FGFR1OP2: variants seen among roughly 807,000 people sequenced by gnomAD.
FGFR1OP2 encodes FGFR1 oncogene partner 2, also known as fibroblast growth factor receptor 1 oncogene partner 2.
In FGFR1OP2, 17 loss-of-function variants were observed where a neutral mutation model predicts 35.2. That is an observed-to-expected ratio of 0.48 (90% confidence interval 0.33 to 0.73). The LOEUF is 0.73. Ranked by LOEUF, FGFR1OP2 falls within the 30% of genes least tolerant of loss-of-function variation. The probability of loss-of-function intolerance (pLI) is 0.02; values close to 1 mark genes in which losing one functional copy is unlikely to be tolerated. For missense variants in FGFR1OP2, 251 were observed against 307.3 expected (o/e 0.82, Z 1.37); for synonymous variants, 105 against 104.6 (o/e 1.00, Z -0.03).
chr12:26,949,358 C>G (rs1033976840), intron 1 of FGFR1OP2, among the ~76,000 whole-genome samples: 1 of 152,074 alleles, frequency 6.6e-6, no homozygotes, highest in African/African-American at 2.4e-5. Context: ...TCGCGAACTC[C>G]TGACCTCAGG....
chr12:26,956,369 G>A (rs1489498452), intron 2 of FGFR1OP2, among the ~76,000 whole-genome samples, 174 bp from the exon 3 acceptor site: 2 of 150,516 alleles, frequency 1.3e-5, no homozygotes, highest in Non-Finnish European at 3.0e-5. Flanking sequence ...TTAAAAATGG[G>A]GTTATTTTCA....
rs1352294064 is a variant in FGFR1OP2 at position 26,965,896 on chromosome 12, A to G, written c.*1163A>G. 1.3e-5 allele frequency: 2 copies of G among 152,068 alleles called. No homozygotes were observed. The highest frequency in any genetic ancestry group is 2.9e-5 in the Non-Finnish European group (2 of 67,974). The allele number at this position is 152,068 out of a possible 1,614,324, so 9.4% of individuals were successfully genotyped here. On this transcript the variant is annotated 3_prime_UTR_variant, in exon 7 of 7. Transcript: ENST00000229395. ...TGTGCTTTAACATCAGTTGAAACCT[A>G]AATTTTCTTATGTTGTGGTGATTGT...
At chr12:26,946,258 T>C (rs929084493) in intron 1 of FGFR1OP2, among the ~76,000 whole-genome samples, 1 of 152,236 alleles carries the variant, frequency 6.6e-6, no homozygotes, top group Admixed American at 6.5e-5. Context: ...TTTATCATCA[T>C]GTAATGTTCC....
Position 26,953,091 on chromosome 12 carries a change from G to A in FGFR1OP2, c.-14-1054G>A, listed in dbSNP as rs527850188. ...TCCTGGCTAACACAGTGAAACCCCC[G>A]ACTCTACTAAAAATACAAAAAAATG... On this transcript the variant is annotated intron_variant, in intron 1 of 6. Coordinates refer to ENST00000229395, the MANE Select transcript of FGFR1OP2 (RefSeq NM_015633.3). Among the ~76,000 whole-genome samples the A allele has an allele frequency of 2.1e-4, 32 of 151,718 alleles. No individual in the cohort carries two copies. In the East Asian group the frequency reaches 5.0e-3, roughly 24 times the overall value.
At chr12:26,961,819 A>G (rs1267708039) in intron 5 of FGFR1OP2, 1 of 152,182 alleles carries the variant, frequency 6.6e-6, no homozygotes, top group Non-Finnish European at 1.5e-5. Context: ...TAAATTGAGG[A>G]TGCTGTTGGT....
chr12:26,945,687 C>G (rs556643888), intron 1 of FGFR1OP2, among the ~76,000 whole-genome samples: 1 of 152,136 alleles, frequency 6.6e-6, no homozygotes, highest in Non-Finnish European at 1.5e-5. Flanking sequence ...GTGGTGAAAC[C>G]GCATCTCTAC....
chr12:26,952,087 C>CT lies in FGFR1OP2; in HGVS notation c.-14-2038dup, dbSNP rs34270981. On this transcript the variant is annotated intron_variant, in intron 1 of 6. Coordinates refer to ENST00000229395, the MANE Select transcript of FGFR1OP2 (RefSeq NM_015633.3). Reference sequence around the variant, plus strand: ...TTCTTAGTACAAGTCAGTGCCCGTCCTTTTTTTTTTTTTTTTTTTTAATTT... The same window carrying CT: ...TTCTTAGTACAAGTCAGTGCCCGTCCTTTTTTTTTTTTTTTTTTTTTAATTT... Among the ~76,000 whole-genome samples the CT allele has an allele frequency of 6.1e-3, 711 of 117,190 alleles. 5 individuals are homozygous for CT. Among genetic ancestry groups the CT allele is most frequent in the African/African-American group, 0.017 (534 of 30,670 alleles). The allele number at this position is 117,190 out of a possible 152,430, so 76.9% of individuals were successfully genotyped here. A position where few individuals can be genotyped will look rare whatever the true frequency, so the allele number is the denominator to read the frequency against.
At chr12:26,944,938 T>C (rs1471593176) in intron 1 of FGFR1OP2, among the ~76,000 whole-genome samples, 1 of 152,156 alleles carries the variant, frequency 6.6e-6, no homozygotes, top group Non-Finnish European at 1.5e-5. Flanking sequence ...TGTGACTTTA[T>C]GTAGTTTGTG....
At chr12:26,963,898 C>T (rs1212592623) in intron 6 of FGFR1OP2, among the ~76,000 whole-genome samples, 1 of 152,090 alleles carries the variant, frequency 6.6e-6, no homozygotes, top group Non-Finnish European at 1.5e-5. Context: ...TAACTGAAAT[C>T]AGTACAATAG....
intron 1 of FGFR1OP2, among the ~76,000 whole-genome samples, chr12:26,953,172 G>C (rs1938961587): frequency 6.7e-6 from 1 of 149,588 alleles, no homozygotes; most frequent in African/African-American, 2.5e-5. Context: ...GCTGAGGCAG[G>C]AAAATGGCGT....
intron 4 of FGFR1OP2, among the ~76,000 whole-genome samples, chr12:26,960,307 G>C (rs992672929): frequency 5.3e-5 from 8 of 152,020 alleles, no homozygotes; most frequent in African/African-American, 1.9e-4. Flanking sequence ...AAGTTTTTGA[G>C]CACATACTTA....
At position 26,954,239 on chromosome 12, in the gene FGFR1OP2, ATC is replaced by A; in HGVS notation, c.85_86del (p.Leu29AspfsTer2). ...RLRDHDDAAE[S>X]LIEQTTALNK... is the part of the protein sequence containing the mutation. Reference sequence around the variant, plus strand: ...TAAGAGATCATGACGATGCAGCAGAATCTCTGATTGAGCAAACCACAGCTCTC... The same window carrying A: ...TAAGAGATCATGACGATGCAGCAGAATCTGATTGAGCAAACCACAGCTCTC... On this transcript the variant is annotated frameshift_variant, in exon 2 of 7. Transcript: ENST00000229395. LOFTEE classifies it high-confidence loss of function. 1 of 1,612,574 alleles carries A rather than the reference ATC, an allele frequency of 6.2e-7. No individual in the cohort carries two copies. The highest frequency in any genetic ancestry group is 8.5e-7 in the Non-Finnish European group (1 of 1,179,094).
chr12:26,952,122 G>C (rs1185054625), intron 1 of FGFR1OP2, among the ~76,000 whole-genome samples: 1 of 132,114 alleles, frequency 7.6e-6, no homozygotes, highest in Non-Finnish European at 1.6e-5. Context: ...TTGCTTTACA[G>C]ACAGCTTTAA....
At chr12:26,945,608 A>T (rs1398149866) in intron 1 of FGFR1OP2, among the ~76,000 whole-genome samples, 1 of 152,104 alleles carries the variant, frequency 6.6e-6, no homozygotes, top group Non-Finnish European at 1.5e-5. Flanking sequence ...CGCCTGTAAT[A>T]CCAGCACTTT....
intron 1 of FGFR1OP2, among the ~76,000 whole-genome samples, chr12:26,944,200 A>G (rs1055192610): frequency 2.0e-5 from 3 of 152,206 alleles, no homozygotes; most frequent in Non-Finnish European, 2.9e-5. Context: ...GGTTTTCTAC[A>G]TAGACAACAA....
chr12:26,957,562 A>T (rs1460850453), intron 3 of FGFR1OP2, 39 bp from the exon 4 acceptor site: 1 of 1,566,410 alleles, frequency 6.4e-7, no homozygotes, highest in Non-Finnish European at 8.7e-7. Context: ...GTGTACTTTT[A>T]ACTCAAGTTG....
intron 1 of FGFR1OP2, among the ~76,000 whole-genome samples, chr12:26,952,694 T>C (rs1938952021): frequency 6.6e-6 from 1 of 151,166 alleles, no homozygotes; most frequent in African/African-American, 2.4e-5. Flanking sequence ...TTTTTTTGTA[T>C]TGGAGGGGAT....
chr12:26,966,361 T>G lies in FGFR1OP2; in HGVS notation c.*1628T>G, dbSNP rs1353490177. 1 of 152,120 alleles carries G rather than the reference T, an allele frequency of 6.6e-6. No homozygotes were observed. The highest frequency in any genetic ancestry group is 1.5e-5 in the Non-Finnish European group (1 of 67,980). 9.4% of individuals were successfully genotyped at this position (152,120 alleles called of 1,614,324 possible). On this transcript the variant is annotated 3_prime_UTR_variant, in exon 7 of 7. Transcript: ENST00000229395. ...AGGAAATCTATTTCAAGCTACACCA[T>G]TGAGATTAAGTCTGAGGCAGTTCAT...
chr12:26,942,648 AATAG>A (rs774169105), intron 1 of FGFR1OP2, among the ~76,000 whole-genome samples: 44 of 152,346 alleles, frequency 2.9e-4, no homozygotes, highest in Non-Finnish European at 4.0e-4. Flanking sequence ...TTGATGCAGA[AATAG>A]ATAGTCATTT....
Sources: allele counts gnomAD v4.1 joint callset (sites outside exome capture counted in the v4.1 genomes callset), GRCh38; gene constraint gnomAD v4.1.1; transcripts MANE v1.5; gene names NCBI Gene and HGNC (gene_info 2026-07-23, HGNC 2026-07-21).